Variants in TNKS observed in about 807,000 individuals in gnomAD.
The protein encoded by TNKS is tankyrase, also known as poly [ADP-ribose] polymerase tankyrase-1.
A neutral mutation model predicts 135.8 loss-of-function variants in TNKS; 72 were observed. That is an observed-to-expected ratio of 0.53 (90% CI 0.44 to 0.64). The LOEUF (loss-of-function observed/expected upper bound fraction) is 0.64, where lower values mean the gene tolerates loss of function less well. Ranked by LOEUF, TNKS falls within the 30% of genes least tolerant of loss-of-function variation. The pLI, the probability that TNKS is intolerant of heterozygous loss-of-function variation, is 0.00. For missense variants in TNKS, 1,769 were observed against 1,674.0 expected, an observed-to-expected ratio of 1.06 and a Z score of -0.99; for synonymous variants, 849 against 649.3, an observed-to-expected ratio of 1.31 and a Z score of -4.68.
At chr8:9,649,453 A>G (rs1801050538) in intron 3 of TNKS, among the ~76,000 whole-genome samples, 1 of 152,234 alleles carries the variant, frequency 6.6e-6, no homozygotes, top group African/African-American at 2.4e-5. Flanking sequence ...AGAAATGAAT[A>G]ATAACTAATG....
intron 3 of TNKS, among the ~76,000 whole-genome samples, chr8:9,633,624 G>A (rs1182022537): frequency 6.6e-6 from 1 of 152,194 alleles, no homozygotes; most frequent in African/African-American, 2.4e-5. Context: ...CAGAGCTGAT[G>A]ATAAGCCATT....
At chr8:9,557,457 T>C (rs1294905191) in intron 1 of TNKS, 1 of 151,818 alleles carries the variant, frequency 6.6e-6, no homozygotes, top group Non-Finnish European at 1.5e-5. Flanking sequence ...TAATAATATG[T>C]TTATAAAATA....
chr8:9,577,720 C>T (rs1798006506), intron 1 of TNKS, among the ~76,000 whole-genome samples: 1 of 152,146 alleles, frequency 6.6e-6, no homozygotes, highest in South Asian at 2.1e-4. Flanking sequence ...GCCACAAATC[C>T]AAACCAAATT....
At chr8:9,711,449 G>A (rs1804330320) in intron 11 of TNKS, among the ~76,000 whole-genome samples, 1 of 152,140 alleles carries the variant, frequency 6.6e-6, no homozygotes, top group African/African-American at 2.4e-5. Context: ...TATCCTAAAT[G>A]GTAGAACTTT....
Position 9,782,276 on chromosome 8 carries a change from G to C in TNKS, c.*5540G>C, listed in dbSNP as rs983907890. On this transcript the variant is annotated 3_prime_UTR_variant, in exon 27 of 27. Coordinates refer to ENST00000310430, the MANE Select transcript of TNKS (RefSeq NM_003747.3). Reference sequence around the variant, plus strand: ...TTGTGATTATATTTAACCTGCAATTGTGCTTTGGCTTAATGTCTAGCTCAC... The same window carrying C: ...TTGTGATTATATTTAACCTGCAATTCTGCTTTGGCTTAATGTCTAGCTCAC... 6.6e-6 allele frequency: 1 copy of C among 152,592 alleles called. No individual in the cohort carries two copies. The highest frequency in any genetic ancestry group is 1.5e-5 in the Non-Finnish European group (1 of 68,042). The allele number at this position is 152,592 out of a possible 1,614,324, so 9.5% of individuals were successfully genotyped here.
intron 1 of TNKS, among the ~76,000 whole-genome samples, chr8:9,579,796 A>G (rs112702837): frequency 2.2e-4 from 34 of 152,186 alleles, no homozygotes; most frequent in African/African-American, 7.0e-4. Flanking sequence ...CCTTGTTTCT[A>G]TGAATGTAGT....
rs1418925143 is a variant in TNKS at position 9,766,236 on chromosome 8, T to C, written c.3554-3T>C. The C allele has an allele frequency of 1.9e-6, 3 of 1,596,448 alleles. No homozygotes were observed. The Admixed American group carries it at 5.2e-5, about 27-fold the overall frequency. ...ACGAATCTTTCTGTCTTCGTATTTC[T>C]AGGTTCTCCTTTCATTAATGCCATT... On this transcript the variant is annotated splice_polypyrimidine_tract_variant and splice_region_variant and intron_variant, in intron 24 of 26. Transcript: ENST00000310430.
intron 24 of TNKS, among the ~76,000 whole-genome samples, chr8:9,766,018 T>C (rs1198199855): frequency 6.6e-6 from 1 of 152,238 alleles, no homozygotes; most frequent in Non-Finnish European, 1.5e-5. Flanking sequence ...GATCTAAAAT[T>C]ATTTTAGTAC....
At chr8:9,701,869 C>T (rs569036594) in intron 5 of TNKS, among the ~76,000 whole-genome samples, 13 of 152,228 alleles carry the variant, frequency 8.5e-5, no homozygotes, top group Middle Eastern at 3.4e-3. Flanking sequence ...TTACAGTGTT[C>T]AGATAAGTAC....
chr8:9,676,686 C>CTG (rs147459978), intron 3 of TNKS, among the ~76,000 whole-genome samples: 2,320 of 147,810 alleles, frequency 0.016, 48 homozygotes, highest in East Asian at 0.045. Flanking sequence ...CTCTCTCTCT[C>CTG]TGTGTGTGTG....
At chr8:9,628,069 G>C (rs951975934) in intron 3 of TNKS, among the ~76,000 whole-genome samples, 1 of 152,056 alleles carries the variant, frequency 6.6e-6, no homozygotes, top group African/African-American at 2.4e-5. Flanking sequence ...CACCTTCTCA[G>C]GAATTTGTTT....
chr8:9,638,810 T>A (rs1800616892), intron 3 of TNKS, among the ~76,000 whole-genome samples: 1 of 152,062 alleles, frequency 6.6e-6, no homozygotes, highest in South Asian at 2.1e-4. Context: ...TTATTTATAA[T>A]GGAAAAAAAA....
chr8:9,675,133 G>A (rs886250040), intron 3 of TNKS, among the ~76,000 whole-genome samples: 13 of 152,190 alleles, frequency 8.5e-5, no homozygotes, highest in African/African-American at 2.9e-4. Flanking sequence ...TAATTCTTGA[G>A]ATTAGATTAC....
At chr8:9,570,712 C>T (rs887455317) in intron 1 of TNKS, among the ~76,000 whole-genome samples, 1 of 152,196 alleles carries the variant, frequency 6.6e-6, no homozygotes, top group African/African-American at 2.4e-5. Context: ...TGGTTGGCCA[C>T]TCTTGTATTC....
At position 9,569,018 on chromosome 8, in the gene TNKS, C is replaced by G. The variant is rs1012417553; in HGVS notation, c.674-11141C>G. On this transcript the variant is annotated intron_variant, in intron 1 of 26. Transcript: ENST00000310430. Reference sequence around the variant, plus strand: ...ATATTCCAAATGTTGACACATTTTACTTTGTAATAAAAATAATAAGCATAA... The same window carrying G: ...ATATTCCAAATGTTGACACATTTTAGTTTGTAATAAAAATAATAAGCATAA... Among the ~76,000 whole-genome samples, 4 of 152,278 alleles carry G rather than the reference C, an allele frequency of 2.6e-5. No homozygotes were observed. The East Asian group carries it at 7.7e-4, about 29-fold the overall frequency.
intron 2 of TNKS, among the ~76,000 whole-genome samples, chr8:9,581,765 C>G (rs956682234): frequency 1.3e-5 from 2 of 152,194 alleles, no homozygotes; most frequent in Non-Finnish European, 2.9e-5. Flanking sequence ...GCCTCTACAT[C>G]TGAAGTTTTC....
At chr8:9,659,929 C>G (rs1284216306) in intron 3 of TNKS, among the ~76,000 whole-genome samples, 1 of 152,190 alleles carries the variant, frequency 6.6e-6, no homozygotes, top group Non-Finnish European at 1.5e-5. Context: ...CACAGAAATA[C>G]AAATTACTAT....
In TNKS at chr8:9,556,164, C is replaced by G; in HGVS notation, c.225C>G (p.Pro75=). 1.2e-6 allele frequency: 2 copies of G among 1,611,016 alleles called. No homozygotes were observed. The highest frequency in any genetic ancestry group is 1.7e-6 in the Non-Finnish European group (2 of 1,178,290). ...LPEGDGSRDP[P]DRPRSPDPVD... is the part of the protein sequence containing the mutation. The stretch of plus-strand genomic sequence containing the variant: ...AGGGGGATGGCAGTCGGGATCCGCC[C>G]GACAGGCCCCGATCCCCGGACCCGG... Residue 75 remains proline, a synonymous_variant, in exon 1 of 27, where the codon CCC becomes CCG. Transcript: ENST00000310430.
intron 20 of TNKS, among the ~76,000 whole-genome samples, chr8:9,753,915 A>T (rs1443733016): frequency 6.6e-6 from 1 of 152,092 alleles, no homozygotes; most frequent in Non-Finnish European, 1.5e-5. Flanking sequence ...AGAGGACTAT[A>T]CTCCCTACAG....
Sources: allele counts gnomAD v4.1 joint callset (sites outside exome capture counted in the v4.1 genomes callset), GRCh38; gene constraint gnomAD v4.1.1; transcripts MANE v1.5; gene names NCBI Gene and HGNC (gene_info 2026-07-23, HGNC 2026-07-21).